ZBTB7C: variants seen among roughly 807,000 people sequenced by gnomAD.
The protein encoded by ZBTB7C is zinc finger and BTB domain-containing protein 7C.
A neutral mutation model predicts 25.7 loss-of-function variants in ZBTB7C; 8 were observed. That is an observed-to-expected ratio of 0.31 (90% CI 0.18 to 0.56). ZBTB7C has a LOEUF of 0.56. Among genes scored for constraint, ZBTB7C ranks in the 20% least tolerant of loss-of-function variants. The probability of loss-of-function intolerance (pLI) is 0.91; values close to 1 mark genes in which losing one functional copy is unlikely to be tolerated. For synonymous variants in ZBTB7C, 394 were observed against 369.0 expected (o/e 1.07, Z -0.78); for missense variants, 824 against 855.2 (o/e 0.96, Z 0.46).
At chr18:48,260,810 A>T (rs2044151385) in intron 2 of ZBTB7C, among the ~76,000 whole-genome samples, 1 of 152,226 alleles carries the variant, frequency 6.6e-6, no homozygotes, top group East Asian at 1.9e-4. Flanking sequence ...TCCTGGCAGC[A>T]AAGCCTGCCC....
chr18:48,138,083 T>A (rs558769804), intron 3 of ZBTB7C, among the ~76,000 whole-genome samples: 1 of 152,262 alleles, frequency 6.6e-6, no homozygotes, highest in East Asian at 1.9e-4. Flanking sequence ...ATCTTTCCTG[T>A]TGATCATCTT....
chr18:48,162,454 T>C (rs1599001988), intron 3 of ZBTB7C: 1 of 453,312 alleles, frequency 2.2e-6, no homozygotes, highest in East Asian at 7.0e-5. Flanking sequence ...GTTTGGTGCC[T>C]GGCACATAAT....
intron 1 of ZBTB7C, among the ~76,000 whole-genome samples, chr18:48,405,022 G>A (rs1252913343): frequency 2.0e-5 from 3 of 152,182 alleles, no homozygotes; most frequent in Non-Finnish European, 4.4e-5. Context: ...GAGCCCCTGA[G>A]ACAGTTCTGA....
At chr18:48,101,924 C>T (rs758938838) in intron 3 of ZBTB7C, among the ~76,000 whole-genome samples, 2 of 152,158 alleles carry the variant, frequency 1.3e-5, no homozygotes, top group Non-Finnish European at 2.9e-5. Flanking sequence ...CCCAGGTAAC[C>T]AAGCTGCCTG....
intron 3 of ZBTB7C, among the ~76,000 whole-genome samples, chr18:48,144,557 G>A (rs575941330): frequency 6.6e-6 from 1 of 152,124 alleles, no homozygotes; most frequent in Non-Finnish European, 1.5e-5. Context: ...TGTTACCCAG[G>A]TTGGTGGCAA....
intron 2 of ZBTB7C, among the ~76,000 whole-genome samples, chr18:48,290,023 C>T (rs1410539022): frequency 6.6e-6 from 1 of 152,212 alleles, no homozygotes; most frequent in Non-Finnish European, 1.5e-5. Context: ...GCTCAGTTTC[C>T]ACACTTGTTA....
At chr18:48,121,109 T>C (rs560571371) in intron 3 of ZBTB7C, among the ~76,000 whole-genome samples, 9 of 152,332 alleles carry the variant, frequency 5.9e-5, no homozygotes, top group Admixed American at 2.6e-4. Context: ...CCATGAGCAC[T>C]GTTCTTCCCA....
At chr18:48,340,014 T>C (rs2046558925) in intron 1 of ZBTB7C, among the ~76,000 whole-genome samples, 1 of 152,216 alleles carries the variant, frequency 6.6e-6, no homozygotes, top group South Asian at 2.1e-4. Flanking sequence ...AAAACAACTA[T>C]TATTATCTCC....
chr18:48,114,849 T>C (rs1412066855), intron 3 of ZBTB7C, among the ~76,000 whole-genome samples: 4 of 152,234 alleles, frequency 2.6e-5, no homozygotes, highest in Non-Finnish European at 5.9e-5. Context: ...TTTGACTTCA[T>C]TTATGTAAAG....
intron 2 of ZBTB7C, among the ~76,000 whole-genome samples, chr18:48,280,556 C>G (rs915191747): frequency 6.6e-6 from 1 of 152,172 alleles, no homozygotes; most frequent in Non-Finnish European, 1.5e-5. Context: ...AGAGGAACCC[C>G]TAAATCCCTG....
chr18:48,250,954 C>T (rs1599191076), intron 2 of ZBTB7C, among the ~76,000 whole-genome samples: 3 of 152,036 alleles, frequency 2.0e-5, no homozygotes, highest in Admixed American at 1.3e-4. Context: ...CCAGGCATAA[C>T]CTCTCATGCC....
chr18:48,291,980 C>T lies in ZBTB7C; in HGVS notation c.-79+46194G>A, dbSNP rs558061076. On this transcript the variant is annotated intron_variant, in intron 2 of 4. Coordinates refer to ENST00000590800, the MANE Select transcript of ZBTB7C (RefSeq NM_001318841.2). ...TGGGAGGCTGAGGCAGGCAGATCAC[C>T]TGAGGTCAGGAGTTTGAGGCCAGCC... Among the ~76,000 whole-genome samples the T allele has an allele frequency of 2.0e-5, 3 of 152,106 alleles. No individual in the cohort carries two copies. In the East Asian group the frequency reaches 5.8e-4, roughly 29 times the overall value.
chr18:48,265,238 G>GT (rs944558285), intron 2 of ZBTB7C, among the ~76,000 whole-genome samples: 62 of 152,120 alleles, frequency 4.1e-4, no homozygotes, highest in Middle Eastern at 3.2e-3. Flanking sequence ...CTCTTTGATT[G>GT]TAAGTCCCCA....
intron 1 of ZBTB7C, among the ~76,000 whole-genome samples, chr18:48,376,853 C>T (rs555833912): frequency 3.9e-5 from 6 of 152,354 alleles, no homozygotes; most frequent in East Asian, 1.9e-4. Flanking sequence ...CTCAGCCTCT[C>T]GCCTGTCTCC....
At chr18:48,183,693 G>A (rs2041985583) in intron 3 of ZBTB7C, among the ~76,000 whole-genome samples, 2 of 152,194 alleles carry the variant, frequency 1.3e-5, no homozygotes, top group African/African-American at 4.8e-5. Flanking sequence ...GCTGCTGAGT[G>A]TGGTACACAG....
chr18:48,089,226 TGGG>T (rs2038313475), intron 3 of ZBTB7C, among the ~76,000 whole-genome samples: 1 of 152,058 alleles, frequency 6.6e-6, no homozygotes, highest in Non-Finnish European at 1.5e-5. Flanking sequence ...CCTAGCACTT[TGGG>T]AGGCTGAGGC....
chr18:48,157,627 C>T (rs546473445), intron 3 of ZBTB7C, among the ~76,000 whole-genome samples: 7 of 152,248 alleles, frequency 4.6e-5, no homozygotes, highest in African/African-American at 1.7e-4. Flanking sequence ...AGCAGGGACT[C>T]GAAGGCAGAC....
intron 3 of ZBTB7C, among the ~76,000 whole-genome samples, chr18:48,100,780 AG>A (rs2038800786): frequency 6.6e-6 from 1 of 151,668 alleles, no homozygotes; most frequent in Non-Finnish European, 1.5e-5. Context: ...GGAATGGGGG[AG>A]GGGGAGGCAG....
chr18:48,126,987 G>A (rs2039822919), intron 3 of ZBTB7C, among the ~76,000 whole-genome samples: 1 of 152,144 alleles, frequency 6.6e-6, no homozygotes, highest in Non-Finnish European at 1.5e-5. Flanking sequence ...AAGGGCAAGA[G>A]CAATGAAGGA....
Sources: gnomAD v4.1 joint callset for allele counts (sites outside exome capture counted in the v4.1 genomes callset) on GRCh38, gnomAD v4.1.1 for gene constraint, MANE v1.5 for transcripts, NCBI Gene and HGNC (gene_info 2026-07-23, HGNC 2026-07-21) for gene names.